The following KLHL21 variants were observed in gnomAD, a reference collection of about 807,000 sequenced individuals.
KLHL21 encodes the protein kelch-like protein 21.
A neutral mutation model predicts 44.1 loss-of-function variants in KLHL21; 42 were observed. That is an observed-to-expected ratio of 0.95 (90% CI 0.74 to 1.23). The LOEUF (loss-of-function observed/expected upper bound fraction) is 1.23. Among genes scored for constraint, KLHL21 ranks in the 50% most tolerant of loss-of-function variants. The pLI is 0.00. For synonymous variants in KLHL21, 524 were observed against 411.6 expected (o/e 1.27, Z -3.31); for missense variants, 918 against 889.1 (o/e 1.03, Z -0.41).
rs1327168903 is a variant in KLHL21 at position 6,602,295 on chromosome 1, G to A, written c.523C>T (p.Arg175Trp). 6.4e-6 allele frequency: 10 copies of A among 1,554,604 alleles called. No individual in the cohort carries two copies. The highest frequency in any genetic ancestry group is 2.4e-5 in the East Asian group (1 of 41,440). Residue 175 changes from arginine (R) to tryptophan (W), a missense_variant, in exon 1 of 4, where the codon CGG (arginine) becomes TGG (tryptophan). By Grantham distance (101) the Arg-to-Trp change is moderately radical. Coordinates refer to ENST00000377658, the MANE Select transcript of KLHL21 (RefSeq NM_014851.4). ...VGELGAEQLE[R>W]LPLARLLRYL... ...CGCAGCAGGCGCGCCAGTGGCAGCCGCTCCAGCTGCTCGGCGCCCAGCTCG... is the reference window on the plus strand; with the variant it reads ...CGCAGCAGGCGCGCCAGTGGCAGCCACTCCAGCTGCTCGGCGCCCAGCTCG...
intron 2 of KLHL21, among the ~76,000 whole-genome samples, chr1:6,598,253 A>G (rs1640955772): frequency 6.6e-6 from 1 of 152,188 alleles, no homozygotes; most frequent in South Asian, 2.1e-4. Context: ...GGGGCAATAC[A>G]GCGAGACCCT....
rs1265117979 is a variant in KLHL21 at position 6,599,357 on chromosome 1, C to T, written c.1117G>A (p.Glu373Lys). 1.9e-6 allele frequency: 3 copies of T among 1,613,720 alleles called. No homozygotes were observed. The highest frequency in any genetic ancestry group is 2.5e-6 in the Non-Finnish European group (3 of 1,180,032). The part of the protein sequence containing the change: ...AEVAPMLKAR[E>K]YHSSSVLDGL... ...TCCAGCACAGAGGAGCTGTGGTACT[C>T]GCGGGCCTTCAGCATGGGCGCCACC... Residue 373 changes from glutamate to lysine, a missense_variant, in exon 2 of 4, where the codon GAG becomes AAG. Physicochemically the swap from Glu to Lys is moderately conservative, Grantham distance 56 (BLOSUM62 1). Coordinates refer to ENST00000377658, the MANE Select transcript of KLHL21 (RefSeq NM_014851.4).
Position 6,593,314 on chromosome 1 carries a change from C to A in KLHL21, c.*51G>T, listed in dbSNP as rs368737518. 2.6e-6 allele frequency: 4 copies of A among 1,510,850 alleles called. No homozygotes were observed. The highest frequency in any genetic ancestry group is 2.4e-4 in the Middle Eastern group (1 of 4,136). The allele number at this position is 1,510,850 out of a possible 1,614,324, so 93.6% of individuals were successfully genotyped here. A position where few individuals can be genotyped will look rare whatever the true frequency, so the allele number is the denominator to read the frequency against. On this transcript the variant is annotated 3_prime_UTR_variant, in exon 4 of 4. Transcript: ENST00000377658. Reference sequence around the variant, plus strand: ...TGCACAAAGGAGTGGGGCACTGCCCCGCAGAGGTGCCAGTTACCTGCACCG... The same window carrying A: ...TGCACAAAGGAGTGGGGCACTGCCCAGCAGAGGTGCCAGTTACCTGCACCG...
At chr1:6,595,131 A>G (rs1327276584) in intron 3 of KLHL21, 1 of 533,462 alleles carries the variant, frequency 1.9e-6, no homozygotes, top group Non-Finnish European at 3.3e-6. Flanking sequence ...TGTATCTAAG[A>G]ACACGCCAGG....
chr1:6,600,065 A>G (rs1415402535), intron 1 of KLHL21, among the ~76,000 whole-genome samples: 1 of 151,974 alleles, frequency 6.6e-6, no homozygotes, highest in African/African-American at 2.4e-5. Flanking sequence ...ATTATTTTTG[A>G]GACAGAGTCT....
At position 6,602,544 on chromosome 1, in the gene KLHL21, CCAG is replaced by C; in HGVS notation, c.271_273del (p.Leu91del). 1 of 1,538,132 alleles carries C rather than the reference CCAG, an allele frequency of 6.5e-7. No individual in the cohort carries two copies. The highest frequency in any genetic ancestry group is 8.7e-7 in the Non-Finnish European group (1 of 1,147,430). The stretch of plus-strand genomic sequence containing the variant: ...GCCACGCGGCCCGTGTAGCTGAAGT[CCAG>C]CAGCAGCTGCAGCATGTCGGGAGGC... On this transcript the variant is annotated inframe_deletion, in exon 1 of 4. Transcript: ENST00000377658.
chr1:6,600,117 C>T (rs1483809826), intron 1 of KLHL21, among the ~76,000 whole-genome samples: 3 of 152,070 alleles, frequency 2.0e-5, no homozygotes, highest in African/African-American at 4.8e-5. Flanking sequence ...ATGATCTCAG[C>T]TTACTGCAAC....
At chr1:6,595,011 T>G in intron 3 of KLHL21, 1 of 226,836 alleles carries the variant, frequency 4.4e-6, no homozygotes, top group Non-Finnish European at 8.6e-6. Context: ...TGAGCCATGA[T>G]TGTACCACTG....
Position 6,595,484 on chromosome 1 carries a change from C to T in KLHL21, c.1500+1G>A, listed in dbSNP as rs1297339054. 6.2e-7 allele frequency: 1 copy of T among 1,614,134 alleles called. No individual in the cohort carries two copies. The highest frequency in any genetic ancestry group is 2.2e-5 in the East Asian group (1 of 44,884). On this transcript the variant is annotated splice_donor_variant, in intron 3 of 3. Transcript: ENST00000377658. LOFTEE classifies it high-confidence loss of function. Reference sequence around the variant, plus strand: ...CAATGCTGGCCCGCCTGAAAATTTACCTGATTCATGGACGGGATCTTGTCC... The same window carrying T: ...CAATGCTGGCCCGCCTGAAAATTTATCTGATTCATGGACGGGATCTTGTCC...
chr1:6,592,892 T>G lies in KLHL21; in HGVS notation c.*473A>C, dbSNP rs1640871829. 1 of 159,332 alleles carries G rather than the reference T, an allele frequency of 6.3e-6. No individual in the cohort carries two copies. Among genetic ancestry groups the G allele is most frequent in the African/African-American group, 2.4e-5 (1 of 41,644 alleles). The allele number at this position is 159,332 out of a possible 1,614,324, so 9.9% of individuals were successfully genotyped here. ...GCTAGGGAGGCAGGCTCCCCACACC[T>G]CTGGACATGGAATTTGGGACCCCAC... On this transcript the variant is annotated 3_prime_UTR_variant, in exon 4 of 4. Transcript: ENST00000377658.
In KLHL21 at chr1:6,590,794, G is replaced by A. The variant is rs1195374934; in HGVS notation, c.*2571C>T. 1.0e-5 allele frequency: 4 copies of A among 396,624 alleles called. No homozygotes were observed. The East Asian group carries it at 1.4e-4, about 14-fold the overall frequency. 24.6% of individuals were successfully genotyped at this position (396,624 alleles called of 1,614,324 possible). ...AAACCTTAAGCAGGATTCTGGACAT[G>A]GAAGCCTACAGAATAGACAAAAATA... On this transcript the variant is annotated 3_prime_UTR_variant, in exon 4 of 4. Coordinates refer to ENST00000377658, the MANE Select transcript of KLHL21 (RefSeq NM_014851.4).
At chr1:6,597,432 C>A (rs529325659) in intron 2 of KLHL21, among the ~76,000 whole-genome samples, 1 of 152,312 alleles carries the variant, frequency 6.6e-6, no homozygotes, top group Non-Finnish European at 1.5e-5. Context: ...ATCTCCACCC[C>A]CTCTTTGAAG....
At chr1:6,593,809 T>G in intron 3 of KLHL21, 151 bp from the exon 4 acceptor site, 1 of 1,373,228 alleles carries the variant, frequency 7.3e-7, no homozygotes, top group African/African-American at 1.4e-5. Context: ...GCCAACCCCT[T>G]TCCAACACCC....
At chr1:6,600,539 G>A (rs1438976632) in intron 1 of KLHL21, among the ~76,000 whole-genome samples, 2 of 152,224 alleles carry the variant, frequency 1.3e-5, no homozygotes, top group African/African-American at 4.8e-5. Context: ...GAGCTCTAAA[G>A]GGAGAAAAGC....
chr1:6,596,028 T>G (rs1402131369), intron 2 of KLHL21, among the ~76,000 whole-genome samples: 1 of 152,224 alleles, frequency 6.6e-6, no homozygotes, highest in Non-Finnish European at 1.5e-5. Context: ...ACCCCTCACT[T>G]TGGGGTCAAG....
Position 6,602,851 on chromosome 1 carries a change from C to G in KLHL21, c.-34G>C, listed in dbSNP as rs761158774. ...CGATAGGTTGTCGAGGACGCCGCGGCCGGGGCCTGCGGAGAGACGCGGCGC... is the reference window on the plus strand; with the variant it reads ...CGATAGGTTGTCGAGGACGCCGCGGGCGGGGCCTGCGGAGAGACGCGGCGC... On this transcript the variant is annotated 5_prime_UTR_variant, in exon 1 of 4. Coordinates refer to ENST00000377658, the MANE Select transcript of KLHL21 (RefSeq NM_014851.4). 10 of 1,389,534 alleles carry G rather than the reference C, an allele frequency of 7.2e-6. No individual in the cohort carries two copies. The South Asian group carries it at 1.3e-4, about 18-fold the overall frequency. The allele number at this position is 1,389,534 out of a possible 1,614,324, so 86.1% of individuals were successfully genotyped here. A position where few individuals can be genotyped will look rare whatever the true frequency, so the allele number is the denominator to read the frequency against.
chr1:6,600,411 G>C (rs945294616), intron 1 of KLHL21, among the ~76,000 whole-genome samples: 11 of 152,192 alleles, frequency 7.2e-5, no homozygotes, highest in Admixed American at 2.6e-4. Flanking sequence ...AATTACACCA[G>C]GTCTATTAGA....
At chr1:6,597,432 CCT>C (rs770848978) in intron 2 of KLHL21, among the ~76,000 whole-genome samples, 1 of 152,192 alleles carries the variant, frequency 6.6e-6, no homozygotes, top group Non-Finnish European at 1.5e-5. Flanking sequence ...ATCTCCACCC[CCT>C]CTTTGAAGAC....
chr1:6,594,032 G>A, intron 3 of KLHL21: 2 of 1,041,580 alleles, frequency 1.9e-6, no homozygotes, highest in Non-Finnish European at 2.3e-6. Flanking sequence ...GGCTGACAGT[G>A]GCAGAGCTGG....
Sources: allele counts gnomAD v4.1 joint callset (sites outside exome capture counted in the v4.1 genomes callset), GRCh38; gene constraint gnomAD v4.1.1; transcripts MANE v1.5; gene names NCBI Gene and HGNC (gene_info 2026-07-23, HGNC 2026-07-21).